UBN1: variants seen among roughly 807,000 people sequenced by gnomAD.
UBN1 encodes ubinuclein 1, also known as ubinuclein-1.
In UBN1, 17 loss-of-function variants were observed where a neutral mutation model predicts 108.5. The ratio of observed to expected loss-of-function variants is 0.16; its 90% CI spans 0.11 to 0.24. The LOEUF (loss-of-function observed/expected upper bound fraction) is 0.24, where lower values mean the gene tolerates loss of function less well. UBN1 is among the 10% of genes least tolerant of loss of function. UBN1 has a pLI of 1.00. For missense variants in UBN1, 1,595 were observed against 1,394.4 expected, an observed-to-expected ratio of 1.14 and a Z score of -2.29; for synonymous variants, 726 against 564.2, an observed-to-expected ratio of 1.29 and a Z score of -4.07.
rs931174144 is a variant in UBN1, at chr16:4,852,654, C to T, written c.-39-225C>T. The T allele has an allele frequency of 1.1e-5, 4 of 371,414 alleles. No homozygotes were observed. The Admixed American group carries it at 1.8e-4, about 16-fold the overall frequency. The allele number at this position is 371,414 out of a possible 1,614,324, so 23.0% of individuals were successfully genotyped here. ...TCTTTAAGGTCAAGGATCTAGGATA[C>T]ACATGCACAGGAAAAAAGACTGGAA... On this transcript the variant is annotated intron_variant, in intron 1 of 17. Transcript: ENST00000262376.
At chr16:4,873,937 A>G (rs2087758160) in intron 14 of UBN1, among the ~76,000 whole-genome samples, 1 of 152,226 alleles carries the variant, frequency 6.6e-6, no homozygotes, top group Non-Finnish European at 1.5e-5. Context: ...TTCAAAACAG[A>G]AGAAAGTTTC....
chr16:4,867,748 G>T (rs910421736), intron 7 of UBN1, among the ~76,000 whole-genome samples: 2 of 152,156 alleles, frequency 1.3e-5, no homozygotes, highest in Non-Finnish European at 2.9e-5. Context: ...AGAGGATGCA[G>T]TGAGAGGAAG....
At chr16:4,859,715 G>A in intron 5 of UBN1, 150 bp from the exon 6 acceptor site, 2 of 1,339,538 alleles carry the variant, frequency 1.5e-6, no homozygotes, top group Non-Finnish European at 2.0e-6. Flanking sequence ...GTGGGTTTGT[G>A]GTCCAGGGAC....
At position 4,859,974 on chromosome 16, in the gene UBN1, A is replaced by C. The variant is rs1291915401; in HGVS notation, c.671+6A>C. On this transcript the variant is annotated splice_donor_region_variant and intron_variant, in intron 6 of 17. Transcript: ENST00000262376. ...TCCAAGTTTTCCAAAGCCGGGTGAG[A>C]GGCAGCAGCTTCTTTGCTAGGATAA... The C allele has an allele frequency of 6.2e-7, 1 of 1,614,052 alleles. No homozygotes were observed.
intron 1 of UBN1, 94 bp from the exon 2 acceptor site, chr16:4,852,785 A>G: frequency 1.6e-6 from 2 of 1,265,268 alleles, no homozygotes; most frequent in Non-Finnish European, 2.1e-6. Context: ...TTTTCTTGAC[A>G]ATGAAATTCT....
At chr16:4,872,547 CA>C (rs2087698526) in intron 12 of UBN1, among the ~76,000 whole-genome samples, 3 of 152,352 alleles carry the variant, frequency 2.0e-5, no homozygotes, top group Admixed American at 1.3e-4. Context: ...CGGCTCACTG[CA>C]ACCTCCGCCT....
intron 7 of UBN1, among the ~76,000 whole-genome samples, chr16:4,868,361 G>C (rs9934568): frequency 6.6e-6 from 1 of 152,142 alleles, no homozygotes; most frequent in East Asian, 1.9e-4. Context: ...ATTAGGAATT[G>C]TCAAAGAGTT....
At position 4,875,046 on chromosome 16, in the gene UBN1, C is replaced by T. The variant is rs1173461612; in HGVS notation, c.2636C>T (p.Ser879Phe). 2 of 1,614,022 alleles carry T rather than the reference C, an allele frequency of 1.2e-6. No homozygotes were observed. The highest frequency in any genetic ancestry group is 1.3e-5 in the African/African-American group (1 of 75,068). The change falls in exon 15 of 18, where the codon TCC becomes TTC. Residue 879 changes from serine to phenylalanine, a missense_variant. Physicochemically the swap from Ser to Phe is radical, Grantham distance 155. This residue lies in a region of UBN1 where 1,398 missense variants were observed against 1,194.7 expected (regional missense o/e 1.17). Coordinates refer to ENST00000262376, the MANE Select transcript of UBN1 (RefSeq NM_001079514.3). ...SSSSHKTPAS[S>F]SSALSHPAKP... Reference sequence around the variant, plus strand: ...AGCTCTCACAAGACCCCAGCCTCGTCCTCTTCTGCCCTGAGCCATCCAGCA... The same window carrying T: ...AGCTCTCACAAGACCCCAGCCTCGTTCTCTTCTGCCCTGAGCCATCCAGCA...
At chr16:4,853,364 CTAAT>C (rs930496338) in intron 2 of UBN1, among the ~76,000 whole-genome samples, 198 bp downstream of exon 2, 4 of 152,170 alleles carry the variant, frequency 2.6e-5, no homozygotes, top group African/African-American at 9.7e-5. Context: ...TGAATTATGA[CTAAT>C]TAACATAAAT....
In UBN1 at chr16:4,877,151, C is replaced by G. The variant is rs760820188; in HGVS notation, c.3265+40C>G. ...GCTGCCTCTGGTCACTCAGGAACCTCTAGATTGTGGCCAGGGGTCCTGCTG... is the reference window on the plus strand; with the variant it reads ...GCTGCCTCTGGTCACTCAGGAACCTGTAGATTGTGGCCAGGGGTCCTGCTG... On this transcript the variant is annotated intron_variant, in intron 16 of 17. Transcript: ENST00000262376. This position sits in a 1 kb window ranked among gnomAD's most constrained non-coding sequence, Gnocchi z 4.3. The G allele has an allele frequency of 2.6e-6, 4 of 1,564,046 alleles. No homozygotes were observed. Among genetic ancestry groups the G allele is most frequent in the Non-Finnish European group, 3.5e-6 (4 of 1,157,700 alleles).
At chr16:4,851,516 A>T (rs557840599) in intron 1 of UBN1, among the ~76,000 whole-genome samples, 2 of 152,152 alleles carry the variant, frequency 1.3e-5, no homozygotes, top group East Asian at 1.9e-4. Context: ...CATTCTAGGC[A>T]TAAAAGAAAT....
At position 4,860,912 on chromosome 16, in the gene UBN1, C is replaced by T. The variant is rs1443822521; in HGVS notation, c.920C>T (p.Ala307Val). The T allele has an allele frequency of 6.2e-7, 1 of 1,614,138 alleles. No individual in the cohort carries two copies. The highest frequency in any genetic ancestry group is 8.5e-7 in the Non-Finnish European group (1 of 1,180,062). ...SDNDLLQAAT[A>V]MDSLTDLDLE... is the part of the protein sequence containing the mutation. ...AACGACTTGCTCCAGGCGGCCACTGCCATGGACTCGCTGACGGATTTGGAC... is the reference window on the plus strand; with the variant it reads ...AACGACTTGCTCCAGGCGGCCACTGTCATGGACTCGCTGACGGATTTGGAC... The change falls in exon 7 of 18, where the codon GCC becomes GTC. Residue 307 changes from alanine (A) to valine (V), a missense_variant. By Grantham distance (64) the Ala-to-Val change is moderately conservative. Coordinates refer to ENST00000262376, the MANE Select transcript of UBN1 (RefSeq NM_001079514.3).
chr16:4,853,458 T>C (rs1310054969), intron 2 of UBN1, among the ~76,000 whole-genome samples: 1 of 152,180 alleles, frequency 6.6e-6, no homozygotes, highest in Non-Finnish European at 1.5e-5. Flanking sequence ...GTTCCAGTGT[T>C]AGAATTTCAT....
At position 4,849,893 on chromosome 16, in the gene UBN1, C is replaced by T. The variant is rs563286910; in HGVS notation, c.-40+1683C>T. On this transcript the variant is annotated intron_variant, in intron 1 of 17. Coordinates refer to ENST00000262376, the MANE Select transcript of UBN1 (RefSeq NM_001079514.3). ...TCCGGGAAGTTGAGGCTGCAGTGAGCTCTCATGGTGCCACTGCACTCCAGC... is the reference window on the plus strand; with the variant it reads ...TCCGGGAAGTTGAGGCTGCAGTGAGTTCTCATGGTGCCACTGCACTCCAGC... Among the ~76,000 whole-genome samples, 11 of 139,088 alleles carry T rather than the reference C, an allele frequency of 7.9e-5. No individual in the cohort carries two copies. The East Asian group carries it at 2.1e-3, about 27-fold the overall frequency. 91.2% of individuals were successfully genotyped at this position (139,088 alleles called of 152,430 possible).
rs1299327117 is a variant in UBN1, at chr16:4,873,089, C to T, written c.1800+16C>T. ...CAAGGTGAAGGTGAGTCAGTTTGCTCGGGTCACATGTCAGCTATGCCCATC... is the reference window on the plus strand; with the variant it reads ...CAAGGTGAAGGTGAGTCAGTTTGCTTGGGTCACATGTCAGCTATGCCCATC... On this transcript the variant is annotated intron_variant, in intron 14 of 17. Coordinates refer to ENST00000262376, the MANE Select transcript of UBN1 (RefSeq NM_001079514.3). 1.7e-5 allele frequency: 28 copies of T among 1,614,022 alleles called. No homozygotes were observed. Among genetic ancestry groups the T allele is most frequent in the Middle Eastern group, 1.6e-4 (1 of 6,084 alleles).
intron 7 of UBN1, among the ~76,000 whole-genome samples, chr16:4,864,858 C>A: frequency 6.7e-6 from 1 of 149,178 alleles, no homozygotes; most frequent in East Asian, 1.9e-4. Flanking sequence ...AAGAGAATAA[C>A]GTAGGGGGAA....
Position 4,881,241 on chromosome 16 carries a change from CTG to C in UBN1, c.*1112_*1113del, listed in dbSNP as rs900662892. 4.6e-5 allele frequency: 7 copies of C among 152,788 alleles called. No homozygotes were observed. Among genetic ancestry groups the C allele is most frequent in the African/African-American group, 1.7e-4 (7 of 41,550 alleles). 9.5% of individuals were successfully genotyped at this position (152,788 alleles called of 1,614,324 possible). On this transcript the variant is annotated 3_prime_UTR_variant, in exon 18 of 18. Transcript: ENST00000262376. ...TAGGCAGTGCGGCAGAAGCAGGCCTCTGTGAAGTGTCTGCCGGGTAGAAATAG... is the reference window on the plus strand; with the variant it reads ...TAGGCAGTGCGGCAGAAGCAGGCCTCTGAAGTGTCTGCCGGGTAGAAATAG...
At chr16:4,849,310 C>T (rs950828425) in intron 1 of UBN1, among the ~76,000 whole-genome samples, 32 of 152,066 alleles carry the variant, frequency 2.1e-4, no homozygotes, top group Admixed American at 3.9e-4. Context: ...AGACAGAATT[C>T]TCATTTCCGT....
intron 1 of UBN1, chr16:4,852,630 C>CT (rs2086612263): frequency 3.9e-6 from 1 of 253,176 alleles, no homozygotes; most frequent in African/African-American, 2.3e-5. Context: ...AGCATGGGTT[C>CT]TTTAAGGTCA....
Sources: gnomAD v4.1 joint callset for allele counts (sites outside exome capture counted in the v4.1 genomes callset) on GRCh38, gnomAD v4.1.1 for gene constraint, gnomAD v4.1.1 regional missense constraint, Gnocchi (gnomAD v3.1) non-coding constraint, MANE v1.5 for transcripts, NCBI Gene and HGNC (gene_info 2026-07-23, HGNC 2026-07-21) for gene names.